GOLGB1: variants seen among roughly 807,000 people sequenced by gnomAD.
GOLGB1 encodes the protein golgin subfamily B member 1.
A neutral mutation model predicts 336.9 loss-of-function variants in GOLGB1; 174 were observed. The ratio of observed to expected loss-of-function variants is 0.52; its 90% CI spans 0.46 to 0.59. GOLGB1 has a LOEUF of 0.59. GOLGB1 is among the 20% of genes least tolerant of loss of function. The pLI is 0.00. For synonymous variants in GOLGB1, 1,208 were observed against 1,289.2 expected, an observed-to-expected ratio of 0.94 and a Z score of 1.35; for missense variants, 3,331 against 3,645.3, an observed-to-expected ratio of 0.91 and a Z score of 2.22.
intron 14 of GOLGB1, among the ~76,000 whole-genome samples, chr3:121,689,522 G>T (rs1348619223): frequency 2.0e-5 from 3 of 150,196 alleles, no homozygotes; most frequent in Non-Finnish European, 4.5e-5. Context: ...GCGGAAGGCC[G>T]CAGGGTCCTC....
Position 121,690,751 on chromosome 3 carries a change from T to G in GOLGB1, c.8613A>C (p.Ala2871=), listed in dbSNP as rs569246296. Residue 2871 remains alanine (A), a synonymous_variant, in exon 14 of 22, where the codon GCA becomes GCC. Coordinates refer to ENST00000614479, the MANE Select transcript of GOLGB1 (RefSeq NM_001366282.2). The stretch of plus-strand genomic sequence containing the variant: ...CAGCTGGGCTGGTGGAAGGCTGAGC[T>G]GCAGACCTCTGCTTCCCTTCCTCTG... ...RKSEEGKQRS[A]AQPSTSPAEV... is the part of the protein sequence containing the mutation. 55 of 1,571,098 alleles carry G rather than the reference T, an allele frequency of 3.5e-5. No homozygotes were observed. The South Asian group carries it at 6.3e-4, about 18-fold the overall frequency.
intron 14 of GOLGB1, among the ~76,000 whole-genome samples, chr3:121,687,242 A>G (rs1239545274): frequency 6.6e-6 from 1 of 152,202 alleles, no homozygotes; most frequent in Non-Finnish European, 1.5e-5. Flanking sequence ...AGCCTGGGTG[A>G]GAGAGCAAGA....
chr3:121,692,706 A>C, intron 13 of GOLGB1, 125 bp from the exon 14 acceptor site: 3 of 587,834 alleles, frequency 5.1e-6, no homozygotes, highest in South Asian at 4.9e-5. Context: ...CAGGTGTTAA[A>C]TATTTTACTG....
At chr3:121,677,229 T>A in intron 16 of GOLGB1, 56 bp downstream of exon 16, 1 of 1,366,826 alleles carries the variant, frequency 7.3e-7, no homozygotes, top group Non-Finnish European at 1.0e-6. Context: ...CCTGCAATCA[T>A]CATCATTTGT....
chr3:121,718,562 T>C (rs905073145), intron 7 of GOLGB1, 61 bp from the exon 8 acceptor site: 2 of 1,143,654 alleles, frequency 1.7e-6, no homozygotes, highest in African/African-American at 3.1e-5. Context: ...TTTGCTTATC[T>C]TTCAAAATGT....
chr3:121,686,304 C>T (rs1489669459), intron 14 of GOLGB1, among the ~76,000 whole-genome samples: 1 of 152,114 alleles, frequency 6.6e-6, no homozygotes, highest in Non-Finnish European at 1.5e-5. Context: ...TTTCTGATGG[C>T]TAATAGAAAC....
At chr3:121,721,503 C>T (rs921870966) in intron 6 of GOLGB1, among the ~76,000 whole-genome samples, 19 of 152,194 alleles carry the variant, frequency 1.2e-4, no homozygotes, top group South Asian at 8.3e-4. Context: ...GTGGCACATG[C>T]CTGTAGTCCC....
chr3:121,720,436 C>G (rs1472288671), intron 6 of GOLGB1, among the ~76,000 whole-genome samples: 1 of 152,196 alleles, frequency 6.6e-6, no homozygotes, highest in African/African-American at 2.4e-5. Flanking sequence ...TGCTCAGTAT[C>G]AGTGCTTCTG....
intron 5 of GOLGB1, among the ~76,000 whole-genome samples, chr3:121,726,468 A>G (rs1345685300): frequency 6.6e-6 from 1 of 150,410 alleles, no homozygotes; most frequent in African/African-American, 2.4e-5. Flanking sequence ...AAGAAAAGAA[A>G]AAAAAATTAT....
chr3:121,699,811 C>T lies in GOLGB1; in HGVS notation c.1593+1G>A. 6.4e-7 allele frequency: 1 copy of T among 1,568,012 alleles called. No homozygotes were observed. The highest frequency in any genetic ancestry group is 8.8e-7 in the Non-Finnish European group (1 of 1,139,262). The stretch of plus-strand genomic sequence containing the variant: ...GGTTATATTAAGAACACATCACTTA[C>T]CTCACTGACTTCTCTGTCTGCCTCC... On this transcript the variant is annotated splice_donor_variant, in intron 12 of 21. Transcript: ENST00000614479. LOFTEE classifies it high-confidence loss of function.
chr3:121,664,694 A>G, intron 21 of GOLGB1, 80 bp from the exon 22 acceptor site: 1 of 1,383,154 alleles, frequency 7.2e-7, no homozygotes, highest in East Asian at 2.3e-5. Context: ...CTTGCACTTA[A>G]GCAAAGCTGA....
chr3:121,727,159 A>C (rs1445330191), intron 4 of GOLGB1, 118 bp from the exon 5 acceptor site: 2 of 530,652 alleles, frequency 3.8e-6, no homozygotes, highest in African/African-American at 4.0e-5. Flanking sequence ...AACTGATGGG[A>C]GCAAGAAAAA....
chr3:121,738,918 C>T (rs1946666628), intron 1 of GOLGB1, among the ~76,000 whole-genome samples: 2 of 152,088 alleles, frequency 1.3e-5, no homozygotes, highest in South Asian at 2.1e-4. Flanking sequence ...GTTAGAAAAG[C>T]TGTATAAAAT....
chr3:121,729,463 G>C (rs921817827), intron 3 of GOLGB1, 123 bp from the exon 4 acceptor site: 4 of 767,460 alleles, frequency 5.2e-6, no homozygotes, highest in Non-Finnish European at 6.2e-6. Context: ...ACCAGGGCTG[G>C]AGTGCAGTGG....
At position 121,676,984 on chromosome 3, in the gene GOLGB1, A is replaced by G. The variant is rs754555107; in HGVS notation, c.9086T>C (p.Val3029Ala). ...SASPDGSQNL[V>A]YETELLRTQL... ...GGTCCTGAGAAGTTCTGTCTCATAA[A>G]CCAGATTTTGTGACCCATCTGGGGA... The change falls in exon 17 of 22, where the codon GTT becomes GCT. Residue 3029 changes from valine (V) to alanine (A), a missense_variant. Physicochemically the swap from Val to Ala is moderately conservative, Grantham distance 64 (BLOSUM62 0). Transcript: ENST00000614479. 1.9e-6 allele frequency: 3 copies of G among 1,613,612 alleles called. No individual in the cohort carries two copies.
chr3:121,673,364 C>G (rs557763036), intron 17 of GOLGB1, among the ~76,000 whole-genome samples: 2 of 152,160 alleles, frequency 1.3e-5, no homozygotes, highest in African/African-American at 4.8e-5. Flanking sequence ...CCACCACACT[C>G]GACCCAGTTT....
At chr3:121,677,760 T>C (rs1364433665) in intron 15 of GOLGB1, among the ~76,000 whole-genome samples, 2 of 152,232 alleles carry the variant, frequency 1.3e-5, no homozygotes, top group Non-Finnish European at 2.9e-5. Context: ...CCTTTAGAGC[T>C]TTGCAGCTCT....
chr3:121,733,287 CAAAAAAAAAAAAA>C (rs35457720), intron 1 of GOLGB1, among the ~76,000 whole-genome samples: 1 of 64,650 alleles, frequency 1.5e-5, no homozygotes, highest in Admixed American at 1.8e-4. Context: ...TGCTCCGTCT[CAAAAAAAAAAAAA>C]AAAAAAAAAA....
chr3:121,734,000 C>G (rs527354160), intron 1 of GOLGB1, among the ~76,000 whole-genome samples: 1 of 151,818 alleles, frequency 6.6e-6, no homozygotes, highest in Non-Finnish European at 1.5e-5. Flanking sequence ...CTTTTAGACA[C>G]CAAAAAAGCA....
Sources: gnomAD v4.1 joint callset for allele counts (sites outside exome capture counted in the v4.1 genomes callset) on GRCh38, gnomAD v4.1.1 for gene constraint, MANE v1.5 for transcripts, NCBI Gene and HGNC (gene_info 2026-07-23, HGNC 2026-07-21) for gene names.